Variants in NLGN1 observed in about 807,000 individuals in gnomAD.
The protein encoded by NLGN1 is neuroligin 1, also known as neuroligin-1.
In NLGN1, 12 loss-of-function variants were observed where a neutral mutation model predicts 65.5. The ratio of observed to expected loss-of-function variants is 0.18; its 90% CI spans 0.12 to 0.30. The LOEUF is 0.30. Among genes scored for constraint, NLGN1 ranks in the 10% least tolerant of loss-of-function variants. The pLI, the probability that NLGN1 is intolerant of heterozygous loss-of-function variation, is 1.00. For missense variants in NLGN1, 750 were observed against 1,007.1 expected, an observed-to-expected ratio of 0.74 and a Z score of 3.46; for synonymous variants, 350 against 359.5, an observed-to-expected ratio of 0.97 and a Z score of 0.30.
chr3:174,183,644 T>C (rs1730847280), intron 4 of NLGN1, among the ~76,000 whole-genome samples: 1 of 151,890 alleles, frequency 6.6e-6, no homozygotes, highest in Non-Finnish European at 1.5e-5. Flanking sequence ...ATGAGGAAAA[T>C]AGATATTTAC....
intron 4 of NLGN1, among the ~76,000 whole-genome samples, chr3:174,073,768 A>G (rs1740372597): frequency 6.6e-6 from 1 of 152,228 alleles, no homozygotes; most frequent in South Asian, 2.1e-4. Flanking sequence ...CCTGAATCAT[A>G]TGTCTGATTA....
Position 173,980,937 on chromosome 3 carries a change from C to G in NLGN1, c.646+173105C>G, listed in dbSNP as rs114299581. The stretch of plus-strand genomic sequence containing the variant: ...TTTGATCCTTTGATCCATATTTTTT[C>G]AGTCCAGACTTTCCCAATTATTTTA... On this transcript the variant is annotated intron_variant, in intron 4 of 6. Coordinates refer to ENST00000457714, the Ensembl canonical transcript of NLGN1. Among the ~76,000 whole-genome samples the G allele has an allele frequency of 2.6e-3, 400 of 152,218 alleles. 2 individuals carry two copies. Among genetic ancestry groups the G allele is most frequent in the African/African-American group, 9.1e-3 (378 of 41,546 alleles).
chr3:173,639,851 A>T (rs1299860543), intron 3 of NLGN1, among the ~76,000 whole-genome samples: 1 of 151,736 alleles, frequency 6.6e-6, no homozygotes, highest in African/African-American at 2.4e-5. Flanking sequence ...TTGTTTGTGG[A>T]GTCTTCTTCC....
chr3:173,666,368 G>A (rs1382205186), intron 3 of NLGN1, among the ~76,000 whole-genome samples: 1 of 152,082 alleles, frequency 6.6e-6, no homozygotes, highest in Non-Finnish European at 1.5e-5. Flanking sequence ...TAGCTCAGAT[G>A]TATTTTCCCC....
At chr3:173,567,861 C>G (rs1438725639) in intron 2 of NLGN1, among the ~76,000 whole-genome samples, 2 of 151,938 alleles carry the variant, frequency 1.3e-5, no homozygotes, top group Non-Finnish European at 2.9e-5. Context: ...AATATTTACC[C>G]TCTTAGTAAA....
chr3:173,625,606 CTG>C (rs555659203), intron 3 of NLGN1, among the ~76,000 whole-genome samples: 151 of 152,136 alleles, frequency 9.9e-4, no homozygotes, highest in African/African-American at 3.6e-3. Context: ...AAATCATTAA[CTG>C]TTTATTAAAT....
At chr3:173,572,426 T>C (rs1577335723) in intron 2 of NLGN1, among the ~76,000 whole-genome samples, 1 of 152,238 alleles carries the variant, frequency 6.6e-6, no homozygotes, top group Non-Finnish European at 1.5e-5. Context: ...GAAAGTTAGA[T>C]GAGGAGGGCA....
chr3:173,627,698 A>T (rs2149527165), intron 3 of NLGN1, among the ~76,000 whole-genome samples: 1 of 152,172 alleles, frequency 6.6e-6, no homozygotes, highest in Non-Finnish European at 1.5e-5. Context: ...CCCAAATTCT[A>T]CTCATTACTT....
chr3:174,085,776 A>C (rs529782277), intron 4 of NLGN1, among the ~76,000 whole-genome samples: 1 of 152,208 alleles, frequency 6.6e-6, no homozygotes, highest in Non-Finnish European at 1.5e-5. Flanking sequence ...GTCTGTTGGC[A>C]GCAAAAAGAT....
chr3:173,471,086 C>T (rs761023805), intron 2 of NLGN1, among the ~76,000 whole-genome samples: 1 of 152,032 alleles, frequency 6.6e-6, no homozygotes, highest in Non-Finnish European at 1.5e-5. Context: ...CAGAAAACAA[C>T]AACAACAATA....
In NLGN1 at chr3:173,598,456, C is replaced by T. The variant is rs75336059; in HGVS notation, c.-320-5823C>T. Among the ~76,000 whole-genome samples, 709 of 152,240 alleles carry T rather than the reference C, an allele frequency of 4.7e-3. 4 individuals carry two copies. The highest frequency in any genetic ancestry group is 7.2e-3 in the Non-Finnish European group (487 of 68,010). Reference sequence around the variant, plus strand: ...ATCATCTTGTGGTGGGGTATGAACACGCTGCTTTAGAGATCTCTGCCCCAA... The same window carrying T: ...ATCATCTTGTGGTGGGGTATGAACATGCTGCTTTAGAGATCTCTGCCCCAA... On this transcript the variant is annotated intron_variant, in intron 2 of 6. Coordinates refer to ENST00000457714, the Ensembl canonical transcript of NLGN1.
At chr3:174,115,310 G>A (rs113275174) in intron 4 of NLGN1, among the ~76,000 whole-genome samples, 2,912 of 152,092 alleles carry the variant, frequency 0.019, 86 homozygotes, top group African/African-American at 0.061. Flanking sequence ...GCTTAGTTAC[G>A]CATAATGACT....
At chr3:173,699,214 C>G (rs550577297) in intron 3 of NLGN1, among the ~76,000 whole-genome samples, 5 of 152,088 alleles carry the variant, frequency 3.3e-5, no homozygotes, top group Non-Finnish European at 7.4e-5. Context: ...CATGGCAAAA[C>G]CAGTTATTTC....
At chr3:173,519,026 A>C (rs1734324782) in intron 2 of NLGN1, among the ~76,000 whole-genome samples, 1 of 152,152 alleles carries the variant, frequency 6.6e-6, no homozygotes, top group South Asian at 2.1e-4. Flanking sequence ...TTCATCCCAG[A>C]AGCTTGAACT....
At position 174,105,716 on chromosome 3, in the gene NLGN1, G is replaced by GAT. The variant is rs537823020; in HGVS notation, c.647-169588_647-169587dup. On this transcript the variant is annotated intron_variant, in intron 4 of 6. Transcript: ENST00000457714. ...ATATAGATATCTATATCTATATCTAGATATATATATATCTTACTCTTCTAG... is the reference window on the plus strand; with the variant it reads ...ATATAGATATCTATATCTATATCTAGATATATATATATATCTTACTCTTCTAG... Among the ~76,000 whole-genome samples the GAT allele has an allele frequency of 3.5e-4, 53 of 151,306 alleles. 1 individual carries two copies. The highest frequency in any genetic ancestry group is 3.4e-3 in the Middle Eastern group (1 of 292).
intron 4 of NLGN1, among the ~76,000 whole-genome samples, chr3:174,064,368 G>A (rs940453783): frequency 2.0e-4 from 30 of 151,716 alleles, no homozygotes; most frequent in African/African-American, 6.5e-4. Context: ...AAAATAATTC[G>A]GAATATTAGC....
intron 2 of NLGN1, among the ~76,000 whole-genome samples, chr3:173,580,949 A>G (rs145522299): frequency 2.0e-3 from 310 of 152,110 alleles, no homozygotes; most frequent in African/African-American, 7.3e-3. Context: ...TATGCCCAGT[A>G]TACAGGAGGT....
At chr3:174,059,401 T>C (rs1736894131) in intron 4 of NLGN1, among the ~76,000 whole-genome samples, 1 of 152,136 alleles carries the variant, frequency 6.6e-6, no homozygotes, top group South Asian at 2.1e-4. Flanking sequence ...TGAAATGGTT[T>C]AAAAGTGAAA....
intron 4 of NLGN1, among the ~76,000 whole-genome samples, chr3:174,160,498 G>A (rs1409456624): frequency 6.6e-6 from 1 of 151,210 alleles, no homozygotes; most frequent in East Asian, 1.9e-4. Flanking sequence ...ATTTAGCATT[G>A]TTCTTTCCAC....
Sources: gnomAD v4.1 joint callset for allele counts (sites outside exome capture counted in the v4.1 genomes callset) on GRCh38, gnomAD v4.1.1 for gene constraint, MANE v1.5 for transcripts, NCBI Gene and HGNC (gene_info 2026-07-23, HGNC 2026-07-21) for gene names.